Variants in SLC8A1 observed in about 807,000 individuals in gnomAD.
SLC8A1 encodes sodium/calcium exchanger 1.
A neutral mutation model predicts 68.3 loss-of-function variants in SLC8A1; 18 were observed. The observed-to-expected ratio is 0.26, with a 90% confidence interval of 0.18 to 0.39. The LOEUF (loss-of-function observed/expected upper bound fraction) is 0.39. Ranked by LOEUF, SLC8A1 falls within the 10% of genes least tolerant of loss-of-function variation. The pLI, the probability that SLC8A1 is intolerant of heterozygous loss-of-function variation, is 1.00. For synonymous variants in SLC8A1, 475 were observed against 415.5 expected (o/e 1.14, Z -1.74); for missense variants, 985 against 1,156.7 (o/e 0.85, Z 2.15).
chr2:40,237,322 C>T (rs796804921), intron 2 of SLC8A1, among the ~76,000 whole-genome samples: 1 of 151,948 alleles, frequency 6.6e-6, no homozygotes, highest in East Asian at 1.9e-4. Flanking sequence ...TCTTTTTTCT[C>T]TAAACTTCCC....
At chr2:40,390,522 A>G (rs570145519) in intron 2 of SLC8A1, among the ~76,000 whole-genome samples, 1 of 152,274 alleles carries the variant, frequency 6.6e-6, no homozygotes, top group Non-Finnish European at 1.5e-5. Context: ...CAATTCTTGC[A>G]TACCATCTAG....
chr2:40,293,447 C>G (rs1303410146), intron 2 of SLC8A1, among the ~76,000 whole-genome samples: 1 of 152,176 alleles, frequency 6.6e-6, no homozygotes, highest in Non-Finnish European at 1.5e-5. Flanking sequence ...AAACCTTAAT[C>G]TAAACTTGGA....
intron 2 of SLC8A1, among the ~76,000 whole-genome samples, chr2:40,190,088 C>T (rs142829313): frequency 1.1e-3 from 168 of 152,314 alleles, no homozygotes; most frequent in Non-Finnish European, 1.7e-3. Context: ...CTGGCTACCT[C>T]GCTAAGCATC....
intron 1 of SLC8A1, among the ~76,000 whole-genome samples, chr2:40,440,609 G>A (rs1700288723): frequency 6.6e-6 from 1 of 152,054 alleles, no homozygotes; most frequent in Non-Finnish European, 1.5e-5. Flanking sequence ...ACAGATGACA[G>A]ATGTTCATTT....
exon 8 of SLC8A1, chr2:40,115,309 G>A (rs1488687405): frequency 6.2e-7 from 1 of 1,614,090 alleles, no homozygotes; most frequent in Non-Finnish European, 8.5e-7. Flanking sequence ...ATGTACAAGA[G>A]CCATAGGAGC....
chr2:40,428,973 C>T lies in SLC8A1; in HGVS notation c.1308G>A (p.Leu436=), dbSNP rs763746719. Residue 436 remains leucine (L), a synonymous_variant, in exon 2 of 8, where the codon TTG becomes TTA. Coordinates refer to ENST00000406785, the Ensembl canonical transcript of SLC8A1. ...TGAAGTCAACAAACACAGTGTTAGT[C>T]AAATCACCACCTCTGCGGATAATGG... 4 of 1,613,728 alleles carry T rather than the reference C, an allele frequency of 2.5e-6. No individual in the cohort carries two copies. In the East Asian group the frequency reaches 8.9e-5, roughly 36 times the overall value.
chr2:40,116,867 A>G (rs1425687445), intron 7 of SLC8A1: 1 of 152,114 alleles, frequency 6.6e-6, no homozygotes, highest in African/African-American at 2.4e-5. Context: ...AGTGACTTAA[A>G]CTTCTTGATG....
At chr2:40,444,837 T>G (rs2149843639) in intron 1 of SLC8A1, among the ~76,000 whole-genome samples, 1 of 152,334 alleles carries the variant, frequency 6.6e-6, no homozygotes, top group African/African-American at 2.4e-5. Flanking sequence ...TGATAAATTA[T>G]GACAGATCCT....
chr2:40,334,610 A>G (rs946348499), intron 2 of SLC8A1, among the ~76,000 whole-genome samples: 1 of 152,210 alleles, frequency 6.6e-6, no homozygotes, highest in African/African-American at 2.4e-5. Flanking sequence ...ATGCACTAAA[A>G]GGGCAGGAAT....
At chr2:40,229,308 G>T (rs971589660) in intron 2 of SLC8A1, among the ~76,000 whole-genome samples, 1 of 152,056 alleles carries the variant, frequency 6.6e-6, no homozygotes, top group Non-Finnish European at 1.5e-5. Flanking sequence ...ATAAAAAAAT[G>T]AAAATGCCAC....
At chr2:40,494,032 T>C (rs1705514751) in intron 1 of SLC8A1, among the ~76,000 whole-genome samples, 1 of 151,872 alleles carries the variant, frequency 6.6e-6, no homozygotes, top group Non-Finnish European at 1.5e-5. Flanking sequence ...TTTCCTTATC[T>C]ACCTGAAAGT....
intron 1 of SLC8A1, among the ~76,000 whole-genome samples, chr2:40,438,044 T>C (rs76174619): frequency 0.049 from 7,500 of 152,134 alleles, 341 homozygotes; most frequent in East Asian, 0.24. Context: ...TAACGTACCT[T>C]GAGTCTTGAG....
chr2:40,388,448 G>T (rs1024810942), intron 2 of SLC8A1, among the ~76,000 whole-genome samples: 58 of 152,182 alleles, frequency 3.8e-4, no homozygotes, highest in African/African-American at 1.4e-3. Context: ...ATACTGAAGA[G>T]CATCTCCTTT....
intron 2 of SLC8A1, among the ~76,000 whole-genome samples, chr2:40,232,598 G>GT (rs142725013): frequency 0.45 from 59,959 of 133,440 alleles, 15,540 homozygotes; most frequent in Non-Finnish European, 0.61. Context: ...TTTGTATTCT[G>GT]TTTTTTTTTT....
At chr2:40,383,202 A>C (rs75128915) in intron 2 of SLC8A1, among the ~76,000 whole-genome samples, 352 of 152,250 alleles carry the variant, frequency 2.3e-3, no homozygotes, top group African/African-American at 8.1e-3. Context: ...ATCATGGAGC[A>C]AAGTTTCATG....
chr2:40,337,181 T>G (rs1465155831), intron 2 of SLC8A1: 3 of 221,960 alleles, frequency 1.4e-5, no homozygotes, highest in African/African-American at 6.6e-5. Flanking sequence ...AGTTCAAAAA[T>G]GTCAAACACA....
intron 2 of SLC8A1, among the ~76,000 whole-genome samples, chr2:40,257,429 TTTTTTTTGACCTTTCC>T (rs1362838658): frequency 3.3e-5 from 5 of 152,164 alleles, no homozygotes; most frequent in African/African-American, 1.2e-4. Flanking sequence ...ACCACCTTTT[TTTTTTTTGACCTTTCC>T]TTTTTTTGAC....
intron 2 of SLC8A1, among the ~76,000 whole-genome samples, chr2:40,249,238 T>C (rs1265323556): frequency 1.3e-5 from 2 of 152,214 alleles, no homozygotes; most frequent in Non-Finnish European, 2.9e-5. Context: ...TCTGTTATGA[T>C]GTCTATCAAT....
intron 2 of SLC8A1, among the ~76,000 whole-genome samples, chr2:40,295,990 C>A (rs900766220): frequency 3.9e-5 from 6 of 152,080 alleles, no homozygotes; most frequent in Admixed American, 2.6e-4. Context: ...GCATTTCTAG[C>A]GCCCAGGCAC....
Sources: allele counts gnomAD v4.1 joint callset (sites outside exome capture counted in the v4.1 genomes callset), GRCh38; gene constraint gnomAD v4.1.1; transcripts MANE v1.5; gene names NCBI Gene and HGNC (gene_info 2026-07-23, HGNC 2026-07-21).